IGFBPL1: variants seen among roughly 807,000 people sequenced by gnomAD.
The protein encoded by IGFBPL1 is insulin-like growth factor-binding protein-like 1.
A neutral mutation model predicts 23.9 loss-of-function variants in IGFBPL1; 20 were observed. That is an observed-to-expected ratio of 0.84 (90% CI 0.59 to 1.22). The LOEUF is 1.22. Ranked by LOEUF, IGFBPL1 falls within the 50% of genes most tolerant of loss-of-function variation. The pLI is 0.00. For synonymous variants in IGFBPL1, 184 were observed against 171.8 expected, an observed-to-expected ratio of 1.07 and a Z score of -0.56; for missense variants, 436 against 379.3, an observed-to-expected ratio of 1.15 and a Z score of -1.24.
intron 1 of IGFBPL1, among the ~76,000 whole-genome samples, chr9:38,415,466 T>C (rs1821586877): frequency 6.6e-6 from 1 of 151,900 alleles, no homozygotes; most frequent in African/African-American, 2.4e-5. Flanking sequence ...CTCAGGAGGA[T>C]CAGGGTGCAG....
At chr9:38,414,785 G>A (rs1240229752) in intron 1 of IGFBPL1, among the ~76,000 whole-genome samples, 1 of 152,174 alleles carries the variant, frequency 6.6e-6, no homozygotes, top group Non-Finnish European at 1.5e-5. Context: ...ATCCCCAGAA[G>A]CCGACCCAAG....
chr9:38,420,392 CA>C (rs1821662895), intron 1 of IGFBPL1, among the ~76,000 whole-genome samples: 1 of 152,196 alleles, frequency 6.6e-6, no homozygotes, highest in South Asian at 2.1e-4. Flanking sequence ...AGCTATAGCC[CA>C]GTGCTAAATA....
chr9:38,423,994 TG>T lies in IGFBPL1; in HGVS notation c.430del (p.His144ThrfsTer35). 1 of 1,410,874 alleles carries T rather than the reference TG, an allele frequency of 7.1e-7. No individual in the cohort carries two copies. Among genetic ancestry groups the T allele is most frequent in the Middle Eastern group, 1.8e-4 (1 of 5,500 alleles). The allele number at this position is 1,410,874 out of a possible 1,614,324, so 87.4% of individuals were successfully genotyped here. A position where few individuals can be genotyped will look rare whatever the true frequency, so the allele number is the denominator to read the frequency against. ...HTPRAHPGHLHKARDGPCEFA... is the reference protein window; with the variant it reads ...HTPRAHPGHLXKARDGPCEFA... Reference sequence around the variant, plus strand: ...CTCGCAAGGGCCGTCGCGCGCCTTGTGCAGGTGACCGGGGTGCGCGCGGGGC... The same window carrying T: ...CTCGCAAGGGCCGTCGCGCGCCTTGTCAGGTGACCGGGGTGCGCGCGGGGC... On this transcript the variant is annotated frameshift_variant, in exon 1 of 5. Coordinates refer to ENST00000377694, the MANE Select transcript of IGFBPL1 (RefSeq NM_001007563.3). LOFTEE classifies it high-confidence loss of function.
chr9:38,417,645 T>C (rs1458765616), intron 1 of IGFBPL1, among the ~76,000 whole-genome samples: 1 of 152,114 alleles, frequency 6.6e-6, no homozygotes, highest in Non-Finnish European at 1.5e-5. Context: ...GGCTGTGATT[T>C]AGTACAGTGA....
chr9:38,407,658 G>A lies in IGFBPL1; in HGVS notation c.*1569C>T, dbSNP rs1383327531. On this transcript the variant is annotated 3_prime_UTR_variant, in exon 5 of 5. Transcript: ENST00000377694. ...TGAGATGACCCTGAGTAGCAGCACC[G>A]TGGAGTAGAGAGGGGACCAAGGAGG... Among the ~76,000 whole-genome samples the A allele has an allele frequency of 2.6e-5, 4 of 151,924 alleles. No individual in the cohort carries two copies. The highest frequency in any genetic ancestry group is 1.9e-4 in the East Asian group (1 of 5,188).
chr9:38,411,670 C>G, intron 3 of IGFBPL1, 121 bp from the exon 4 acceptor site: 2 of 885,490 alleles, frequency 2.3e-6, no homozygotes, highest in Admixed American at 5.6e-5. Flanking sequence ...AAAACTTGCT[C>G]TATTTCTCTC....
chr9:38,424,036 A>C lies in IGFBPL1; in HGVS notation c.389T>G (p.Leu130Arg). ...CGCGCGGGGCGTGTGCCGAGCGCGC[A>C]GGCGCAGCGCGCAGACGCTGGGGTA... The part of the protein sequence containing the change: ...RSYPSVCALR[L>R]RARHTPRAHP... The change falls in exon 1 of 5, where the codon CTG becomes CGG. Residue 130 changes from leucine (L) to arginine (R), a missense_variant. Leu to Arg is a moderately radical substitution (Grantham distance 102). Coordinates refer to ENST00000377694, the MANE Select transcript of IGFBPL1 (RefSeq NM_001007563.3). The C allele has an allele frequency of 7.1e-7, 1 of 1,399,358 alleles. No homozygotes were observed. Among genetic ancestry groups the C allele is most frequent in the Non-Finnish European group, 9.2e-7 (1 of 1,086,110 alleles). 86.7% of individuals were successfully genotyped at this position (1,399,358 alleles called of 1,614,324 possible).
intron 1 of IGFBPL1, 24 bp from the exon 2 acceptor site, chr9:38,414,227 G>C (rs770437493): frequency 4.8e-6 from 7 of 1,469,398 alleles, no homozygotes; most frequent in Non-Finnish European, 6.6e-6. Context: ...ACAAGGAGAC[G>C]CAGCCTTTAC....
intron 2 of IGFBPL1, 29 bp downstream of exon 2, chr9:38,414,064 CG>C: frequency 8.0e-7 from 1 of 1,249,284 alleles, no homozygotes; most frequent in Non-Finnish European, 1.2e-6. Flanking sequence ...CACACACACA[CG>C]AGATGCATGA....
chr9:38,422,088 G>A (rs1218519010), intron 1 of IGFBPL1, among the ~76,000 whole-genome samples: 1 of 152,132 alleles, frequency 6.6e-6, no homozygotes, highest in African/African-American at 2.4e-5. Flanking sequence ...GTTTCCATCT[G>A]CCATCTGGCC....
Position 38,406,617 on chromosome 9 carries a change from G to A in IGFBPL1, c.*2610C>T, listed in dbSNP as rs1350588842. Among the ~76,000 whole-genome samples, 3 of 152,126 alleles carry A rather than the reference G, an allele frequency of 2.0e-5. No individual in the cohort carries two copies. Among genetic ancestry groups the A allele is most frequent in the South Asian group, 2.1e-4 (1 of 4,820 alleles). On this transcript the variant is annotated 3_prime_UTR_variant, in exon 5 of 5. Coordinates refer to ENST00000377694, the MANE Select transcript of IGFBPL1 (RefSeq NM_001007563.3). The stretch of plus-strand genomic sequence containing the variant: ...CGGTAGAAAAACCCAGGTTTGGTGC[G>A]GGGAGTGGGGGCATTGTAATTACGT...
rs930078213 is a variant in IGFBPL1, at chr9:38,407,067, A to C, written c.*2160T>G. 4.6e-5 allele frequency among the ~76,000 whole-genome samples: 7 copies of C among 152,154 alleles called. No individual in the cohort carries two copies. The highest frequency in any genetic ancestry group is 1.7e-4 in the African/African-American group (7 of 41,432). On this transcript the variant is annotated 3_prime_UTR_variant, in exon 5 of 5. Transcript: ENST00000377694. ...TGACCAACTCATCTCCCAACCATTCAAGACACAGGAGAATTAACTGCAGGC... is the reference window on the plus strand; with the variant it reads ...TGACCAACTCATCTCCCAACCATTCCAGACACAGGAGAATTAACTGCAGGC...
chr9:38,411,293 T>C (rs1175200209), intron 4 of IGFBPL1, 98 bp downstream of exon 4: 3 of 1,046,536 alleles, frequency 2.9e-6, no homozygotes, highest in Non-Finnish European at 4.1e-6. Flanking sequence ...GTTTCCTCCA[T>C]TTACGTATTT....
At chr9:38,410,464 C>T (rs925178058) in intron 4 of IGFBPL1, among the ~76,000 whole-genome samples, 2 of 141,366 alleles carry the variant, frequency 1.4e-5, no homozygotes, top group Admixed American at 1.5e-4. Flanking sequence ...GCCTGGGTGA[C>T]AGAGTGAGAC....
intron 1 of IGFBPL1, among the ~76,000 whole-genome samples, chr9:38,421,261 G>A (rs991597400): frequency 2.7e-5 from 4 of 145,484 alleles, no homozygotes; most frequent in Non-Finnish European, 4.5e-5. Context: ...ATTCCACCTG[G>A]GAGATACAGT....
chr9:38,423,980 C>T lies in IGFBPL1; in HGVS notation c.445G>A (p.Gly149Ser), dbSNP rs765226034. ...HPGHLHKARDGPCEFAPVVVV... is the reference protein window; with the variant it reads ...HPGHLHKARDSPCEFAPVVVV... ...CCTGACTCACCGAACTCGCAAGGGC[C>T]GTCGCGCGCCTTGTGCAGGTGACCG... Residue 149 changes from glycine (G) to serine (S), a missense_variant, in exon 1 of 5, where the codon GGC (glycine) becomes AGC (serine). Transcript: ENST00000377694. 3 of 1,404,742 alleles carry T rather than the reference C, an allele frequency of 2.1e-6. No individual in the cohort carries two copies. The highest frequency in any genetic ancestry group is 3.0e-5 in the African/African-American group (2 of 66,058). The allele number at this position is 1,404,742 out of a possible 1,614,324, so 87.0% of individuals were successfully genotyped here. A position where few individuals can be genotyped will look rare whatever the true frequency, so the allele number is the denominator to read the frequency against.
intron 1 of IGFBPL1, among the ~76,000 whole-genome samples, chr9:38,417,236 G>A (rs1186162118): frequency 6.6e-6 from 1 of 152,138 alleles, no homozygotes; most frequent in Non-Finnish European, 1.5e-5. Context: ...GAGGCTGTGA[G>A]CCCAGTGATG....
intron 1 of IGFBPL1, among the ~76,000 whole-genome samples, chr9:38,419,801 G>A (rs150292816): frequency 5.8e-4 from 88 of 152,136 alleles, no homozygotes; most frequent in African/African-American, 2.1e-3. Flanking sequence ...GAAGACCCAC[G>A]TATGAATAAT....
In IGFBPL1 at chr9:38,406,704, G is replaced by A. The variant is rs1015550585; in HGVS notation, c.*2523C>T. 5.3e-5 allele frequency among the ~76,000 whole-genome samples: 8 copies of A among 152,108 alleles called. No homozygotes were observed. The highest frequency in any genetic ancestry group is 3.9e-4 in the East Asian group (2 of 5,190). On this transcript the variant is annotated 3_prime_UTR_variant, in exon 5 of 5. Coordinates refer to ENST00000377694, the MANE Select transcript of IGFBPL1 (RefSeq NM_001007563.3). Reference sequence around the variant, plus strand: ...TTAGCCTCTGAAGAGGTCTCTGGGCGCTCACACTTGAAAAACCATGAGGTT... The same window carrying A: ...TTAGCCTCTGAAGAGGTCTCTGGGCACTCACACTTGAAAAACCATGAGGTT...
Sources: gnomAD v4.1 joint callset for allele counts (sites outside exome capture counted in the v4.1 genomes callset) on GRCh38, gnomAD v4.1.1 for gene constraint, MANE v1.5 for transcripts, NCBI Gene and HGNC (gene_info 2026-07-23, HGNC 2026-07-21) for gene names.